The following COL19A1 variants were observed in gnomAD, a reference collection of about 807,000 sequenced individuals.
The protein encoded by COL19A1 is collagen alpha-1(XIX) chain.
In COL19A1, 159 loss-of-function variants were observed where a neutral mutation model predicts 190.2. The observed-to-expected ratio is 0.84, with a 90% CI of 0.73 to 0.95. The LOEUF (loss-of-function observed/expected upper bound fraction) is 0.95. Ranked by LOEUF, COL19A1 falls within the 40% of genes least tolerant of loss-of-function variation. COL19A1 has a pLI of 0.00. For missense variants in COL19A1, 1,418 were observed against 1,431.9 expected, an observed-to-expected ratio of 0.99 and a Z score of 0.16; for synonymous variants, 509 against 458.9, an observed-to-expected ratio of 1.11 and a Z score of -1.39.
intron 4 of COL19A1, among the ~76,000 whole-genome samples, chr6:69,915,018 T>G (rs1027612804): frequency 6.6e-6 from 1 of 152,220 alleles, no homozygotes; most frequent in African/African-American, 2.4e-5. Context: ...ATTTTCTTCC[T>G]AATCCTTTCT....
chr6:70,199,297 C>G (rs886725279), intron 48 of COL19A1, among the ~76,000 whole-genome samples: 5 of 152,190 alleles, frequency 3.3e-5, no homozygotes, highest in African/African-American at 1.2e-4. Flanking sequence ...AACCTAAACT[C>G]TCTCCACATG....
At chr6:70,169,073 C>A (rs375899856) in intron 40 of COL19A1, among the ~76,000 whole-genome samples, 4 of 150,390 alleles carry the variant, frequency 2.7e-5, no homozygotes, top group Non-Finnish European at 3.0e-5. Flanking sequence ...ATCTCCCCAA[C>A]AAAAAAAAAG....
intron 15 of COL19A1, among the ~76,000 whole-genome samples, chr6:70,069,945 T>C (rs879472564): frequency 5.3e-5 from 8 of 152,180 alleles, no homozygotes; most frequent in Non-Finnish European, 8.8e-5. Context: ...TAAGCCTACC[T>C]TCTGTCTTCA....
chr6:70,060,832 C>T (rs978572007), intron 14 of COL19A1, among the ~76,000 whole-genome samples: 1 of 152,130 alleles, frequency 6.6e-6, no homozygotes, highest in African/African-American at 2.4e-5. Flanking sequence ...AACCATGCCC[C>T]CATCAGGGTT....
Position 69,947,399 on chromosome 6 carries a change from A to G in COL19A1, c.936+9299A>G, listed in dbSNP as rs76563038. 5.5e-3 allele frequency among the ~76,000 whole-genome samples: 830 copies of G among 151,996 alleles called. 19 individuals carry two copies. In the East Asian group the frequency reaches 0.068, roughly 12 times the overall value. On this transcript the variant is annotated intron_variant, in intron 9 of 50. Coordinates refer to ENST00000620364, the MANE Select transcript of COL19A1 (RefSeq NM_001858.6). The stretch of plus-strand genomic sequence containing the variant: ...CGAGAAGTTACTGTTGCAGTTTAGC[A>G]TCTTATTCAACTTCAGTTTTTGTAG...
intron 18 of COL19A1, among the ~76,000 whole-genome samples, chr6:70,135,045 T>C (rs1476780214): frequency 6.6e-6 from 1 of 152,204 alleles, no homozygotes; most frequent in Non-Finnish European, 1.5e-5. Flanking sequence ...ACTAATTTGC[T>C]GGAATGGCTC....
intron 48 of COL19A1, among the ~76,000 whole-genome samples, chr6:70,198,090 A>T (rs1277665852): frequency 6.6e-6 from 1 of 152,232 alleles, no homozygotes; most frequent in Non-Finnish European, 1.5e-5. Flanking sequence ...CTGTTTAAGT[A>T]TGCCTTTGCA....
At chr6:70,036,058 A>T in intron 14 of COL19A1, 119 bp downstream of exon 14, 1 of 893,570 alleles carries the variant, frequency 1.1e-6, no homozygotes. Context: ...GGTGACTTCG[A>T]GTACATGTAG....
intron 18 of COL19A1, among the ~76,000 whole-genome samples, chr6:70,134,968 GTGT>G (rs145423101): frequency 0.27 from 41,719 of 151,912 alleles, 6,018 homozygotes; most frequent in Non-Finnish European, 0.32. Flanking sequence ...CGAAAGCCCC[GTGT>G]TGTTTTATCT....
chr6:69,907,150 CAG>C (rs1163945239), intron 4 of COL19A1, among the ~76,000 whole-genome samples: 95 of 118,626 alleles, frequency 8.0e-4, no homozygotes, highest in African/African-American at 2.4e-3. Flanking sequence ...TCCAAAAAAA[CAG>C]AGTCTCCAGC....
intron 2 of COL19A1, among the ~76,000 whole-genome samples, chr6:69,897,798 T>C (rs1342695382): frequency 6.6e-6 from 1 of 152,202 alleles, no homozygotes; most frequent in Non-Finnish European, 1.5e-5. Flanking sequence ...ATTTTCCATA[T>C]TAGCTAAGTA....
At chr6:69,951,908 C>A (rs1774146030) in intron 9 of COL19A1, among the ~76,000 whole-genome samples, 1 of 151,808 alleles carries the variant, frequency 6.6e-6, no homozygotes. Context: ...TAGCTCTTGC[C>A]CCTTTGCCAT....
At chr6:70,132,828 C>CA (rs1785608005) in intron 18 of COL19A1, among the ~76,000 whole-genome samples, 1 of 152,178 alleles carries the variant, frequency 6.6e-6, no homozygotes, top group Non-Finnish European at 1.5e-5. Flanking sequence ...GTGGCATTAA[C>CA]AGCTAGGTCA....
At chr6:70,143,992 T>A (rs1786439659) in intron 23 of COL19A1, among the ~76,000 whole-genome samples, 1 of 152,124 alleles carries the variant, frequency 6.6e-6, no homozygotes, top group Non-Finnish European at 1.5e-5. Context: ...GACTTTAGTT[T>A]CTTTCCTATG....
intron 11 of COL19A1, among the ~76,000 whole-genome samples, chr6:70,019,365 C>T (rs182661851): frequency 1.7e-3 from 266 of 152,170 alleles, no homozygotes; most frequent in Admixed American, 5.4e-3. Context: ...TTGCTATTAT[C>T]TATTGAAAGA....
intron 48 of COL19A1, among the ~76,000 whole-genome samples, chr6:70,193,685 C>T (rs1315411470): frequency 2.6e-5 from 4 of 152,184 alleles, no homozygotes; most frequent in Non-Finnish European, 5.9e-5. Context: ...TGTGTGATAG[C>T]CCTTTCCTTT....
At chr6:69,942,232 A>G (rs750435984) in intron 9 of COL19A1, among the ~76,000 whole-genome samples, 1 of 152,200 alleles carries the variant, frequency 6.6e-6, no homozygotes, top group Non-Finnish European at 1.5e-5. Flanking sequence ...TAAGATTTTT[A>G]TTAATATGTT....
chr6:70,102,201 A>G lies in COL19A1; in HGVS notation c.1257A>G (p.Lys419=), dbSNP rs766040369. The G allele has an allele frequency of 1.2e-6, 2 of 1,612,700 alleles. No homozygotes were observed. The highest frequency in any genetic ancestry group is 1.7e-5 in the Admixed American group (1 of 59,980). The change falls in exon 16 of 51, where the codon AAA becomes AAG. Residue 419 remains lysine (K), a synonymous_variant. Transcript: ENST00000620364. ...GRRGKTGPPG[K]PGPPGPPGPP... The stretch of plus-strand genomic sequence containing the variant: ...GAGGGAAAACAGGACCTCCCGGAAA[A>G]CCAGGACCCCCAGGACCACCTGTGA...
intron 1 of COL19A1, among the ~76,000 whole-genome samples, chr6:69,876,732 G>T (rs543355244): frequency 6.6e-6 from 1 of 152,126 alleles, no homozygotes; most frequent in South Asian, 2.1e-4. Flanking sequence ...TATAACCATG[G>T]ATTTCTCTAA....
Sources: allele counts gnomAD v4.1 joint callset (sites outside exome capture counted in the v4.1 genomes callset), GRCh38; gene constraint gnomAD v4.1.1; transcripts MANE v1.5; gene names NCBI Gene and HGNC (gene_info 2026-07-23, HGNC 2026-07-21).